BIN3: variants seen among roughly 807,000 people sequenced by gnomAD.
The protein encoded by BIN3 is bridging integrator 3.
In BIN3, 41 loss-of-function variants were observed where a neutral mutation model predicts 38.2. The ratio of observed to expected loss-of-function variants is 1.07; its 90% CI spans 0.84 to 1.39. The LOEUF is 1.39. Among genes scored for constraint, BIN3 ranks in the 40% most tolerant of loss-of-function variants. The pLI is 0.00. For missense variants in BIN3, 361 were observed against 324.3 expected (o/e 1.11, Z -0.87); for synonymous variants, 145 against 122.6 (o/e 1.18, Z -1.21).
At chr8:22,647,531 T>A (rs1185310726) in intron 1 of BIN3, among the ~76,000 whole-genome samples, 1 of 152,170 alleles carries the variant, frequency 6.6e-6, no homozygotes, top group Non-Finnish European at 1.5e-5. Context: ...TCTTTTCACA[T>A]GAATTTGTTA....
intron 1 of BIN3, among the ~76,000 whole-genome samples, chr8:22,651,424 G>A (rs1227428264): frequency 1.3e-5 from 2 of 152,134 alleles, no homozygotes; most frequent in African/African-American, 2.4e-5. Flanking sequence ...CAATCTTTCT[G>A]GGATTCCTTT....
intron 4 of BIN3, among the ~76,000 whole-genome samples, chr8:22,631,208 G>A (rs183007247): frequency 6.6e-6 from 1 of 152,258 alleles, no homozygotes; most frequent in Non-Finnish European, 1.5e-5. Context: ...CCAACCCCTG[G>A]TTTCCTCAAT....
chr8:22,654,693 G>A (rs1585201043), intron 1 of BIN3, among the ~76,000 whole-genome samples: 1 of 152,156 alleles, frequency 6.6e-6, no homozygotes. Flanking sequence ...CTGAATACTA[G>A]TTCAGTGTAT....
chr8:22,636,649 G>A, intron 3 of BIN3, 63 bp from the exon 4 acceptor site: 1 of 1,521,054 alleles, frequency 6.6e-7, no homozygotes, highest in Non-Finnish European at 8.9e-7. Flanking sequence ...GCGAAGCCCA[G>A]GTGCTCTGGA....
At chr8:22,642,889 G>T (rs927766870) in intron 2 of BIN3, among the ~76,000 whole-genome samples, 1 of 152,162 alleles carries the variant, frequency 6.6e-6, no homozygotes, top group East Asian at 1.9e-4. Flanking sequence ...CATCTCCAGC[G>T]AGACAGATGC....
At chr8:22,656,048 A>C (rs1157344116) in intron 1 of BIN3, among the ~76,000 whole-genome samples, 1 of 152,142 alleles carries the variant, frequency 6.6e-6, no homozygotes, top group African/African-American at 2.4e-5. Context: ...TATTCAAGAT[A>C]AATTTCACTA....
chr8:22,633,503 G>A (rs557665549), intron 4 of BIN3, among the ~76,000 whole-genome samples: 4 of 152,300 alleles, frequency 2.6e-5, no homozygotes, highest in African/African-American at 7.2e-5. Flanking sequence ...GTCCTGATGC[G>A]GCCTCTGGAA....
intron 1 of BIN3, among the ~76,000 whole-genome samples, chr8:22,667,434 C>T (rs950444115): frequency 3.2e-4 from 49 of 152,308 alleles, no homozygotes; most frequent in African/African-American, 1.1e-3. Context: ...TCAGTAAAGG[C>T]CAATCTAGGC....
At chr8:22,626,483 C>T (rs780949558) in intron 6 of BIN3, 7 of 152,112 alleles carry the variant, frequency 4.6e-5, no homozygotes, top group Non-Finnish European at 7.3e-5. Context: ...CTCCCTCAGC[C>T]CCAAATGGCC....
chr8:22,621,314 C>A lies in BIN3; in HGVS notation c.*108G>T, dbSNP rs549133253. ...TCATTGCAAAGGGCCGGCAAGTGAA[C>A]CAGGGCCACCTCTGTCCCCAGCCTG... On this transcript the variant is annotated 3_prime_UTR_variant, in exon 9 of 9. Coordinates refer to ENST00000276416, the MANE Select transcript of BIN3 (RefSeq NM_018688.6). 2 of 1,415,232 alleles carry A rather than the reference C, an allele frequency of 1.4e-6. No individual in the cohort carries two copies. The highest frequency in any genetic ancestry group is 1.4e-5 in the African/African-American group (1 of 69,822). The allele number at this position is 1,415,232 out of a possible 1,614,324, so 87.7% of individuals were successfully genotyped here. A position where few individuals can be genotyped will look rare whatever the true frequency, so the allele number is the denominator to read the frequency against.
At chr8:22,621,826 C>G (rs1238914487) in intron 8 of BIN3, among the ~76,000 whole-genome samples, 1 of 152,212 alleles carries the variant, frequency 6.6e-6, no homozygotes, top group Admixed American at 6.5e-5. Flanking sequence ...GCAGCAGGTG[C>G]AGGAAGGCAT....
intron 1 of BIN3, among the ~76,000 whole-genome samples, chr8:22,654,791 A>T (rs80345077): frequency 1.7e-3 from 263 of 152,328 alleles, no homozygotes; most frequent in African/African-American, 6.1e-3. Flanking sequence ...TGTGACAAAC[A>T]TTTATGTTCA....
chr8:22,632,703 TCC>T (rs1247292965), intron 4 of BIN3, among the ~76,000 whole-genome samples: 1 of 112,574 alleles, frequency 8.9e-6, no homozygotes, highest in Non-Finnish European at 1.9e-5. Context: ...CTTTCCACTT[TCC>T]TTTTTTTTTT....
chr8:22,626,934 G>A (rs981711589), intron 6 of BIN3, among the ~76,000 whole-genome samples: 2 of 152,212 alleles, frequency 1.3e-5, no homozygotes, highest in African/African-American at 4.8e-5. Context: ...CCGAGCGGGG[G>A]TGAGGGAGGC....
chr8:22,658,123 G>T (rs765113488), intron 1 of BIN3, among the ~76,000 whole-genome samples: 8 of 152,246 alleles, frequency 5.3e-5, no homozygotes, highest in Non-Finnish European at 7.3e-5. Context: ...TGCCTCTGGA[G>T]TAGGAGTCCT....
intron 1 of BIN3, among the ~76,000 whole-genome samples, chr8:22,662,799 GA>G (rs943943798): frequency 2.0e-5 from 3 of 151,196 alleles, no homozygotes; most frequent in Non-Finnish European, 2.9e-5. Context: ...ACCTCAGGAA[GA>G]AAAAAAGAAA....
At chr8:22,628,585 G>A (rs890818661) in intron 6 of BIN3, among the ~76,000 whole-genome samples, 2 of 152,212 alleles carry the variant, frequency 1.3e-5, no homozygotes, top group African/African-American at 4.8e-5. Context: ...GAAGTGGCCG[G>A]GGTTTCTCTC....
chr8:22,625,134 G>A (rs974338306), intron 6 of BIN3: 5 of 572,108 alleles, frequency 8.7e-6, no homozygotes, highest in Non-Finnish European at 1.6e-5. Context: ...GGGAGACTCA[G>A]AGGAGTGGCC....
chr8:22,628,749 C>T (rs1802085516), intron 6 of BIN3, among the ~76,000 whole-genome samples: 1 of 152,216 alleles, frequency 6.6e-6, no homozygotes, highest in South Asian at 2.1e-4. Flanking sequence ...TCTGGGACCC[C>T]TGTGGCCCTG....
Sources: gnomAD v4.1 joint callset for allele counts (sites outside exome capture counted in the v4.1 genomes callset) on GRCh38, gnomAD v4.1.1 for gene constraint, MANE v1.5 for transcripts, NCBI Gene and HGNC (gene_info 2026-07-23, HGNC 2026-07-21) for gene names.